The following CACNG8 variants were observed in gnomAD, a reference collection of about 807,000 sequenced individuals.
CACNG8 encodes the protein voltage-dependent calcium channel gamma-8 subunit.
In CACNG8, 5 loss-of-function variants were observed where a neutral mutation model predicts 26.9. The observed-to-expected ratio is 0.19, with a 90% CI of 0.10 to 0.39. CACNG8 has a LOEUF of 0.39. CACNG8 is among the 10% of genes least tolerant of loss of function. CACNG8 has a pLI of 1.00. For missense variants in CACNG8, 473 were observed against 609.4 expected (o/e 0.78, Z 2.36); for synonymous variants, 321 against 296.7 (o/e 1.08, Z -0.84).
At position 53,989,437 on chromosome 19, in the gene CACNG8, CA is replaced by C. The variant is rs2069427225; in HGVS notation, c.*6589del. 6.6e-6 allele frequency: 1 copy of C among 152,490 alleles called. No homozygotes were observed. The highest frequency in any genetic ancestry group is 2.4e-5 in the African/African-American group (1 of 41,314). 9.4% of individuals were successfully genotyped at this position (152,490 alleles called of 1,614,324 possible). A position where few individuals can be genotyped will look rare whatever the true frequency, so the allele number is the denominator to read the frequency against. ...GGGAGACGTAAGCCGGAGAAAGACCCAGAGATTCGCATAGAAAGCAACGTGG... is the reference window on the plus strand; with the variant it reads ...GGGAGACGTAAGCCGGAGAAAGACCCGAGATTCGCATAGAAAGCAACGTGG... On this transcript the variant is annotated 3_prime_UTR_variant, in exon 4 of 4. Coordinates refer to ENST00000270458, the MANE Select transcript of CACNG8 (RefSeq NM_031895.6).
chr19:53,967,842 C>CT (rs946869864), intron 1 of CACNG8, among the ~76,000 whole-genome samples: 15 of 149,938 alleles, frequency 1.0e-4, no homozygotes, highest in South Asian at 4.2e-4. Context: ...GAAAAAAAAA[C>CT]TTTTTTTTTT....
rs868674905 is a variant in CACNG8 at position 53,977,608 on chromosome 19, A to C, written c.284-538A>C. Among the ~76,000 whole-genome samples the C allele has an allele frequency of 1.6e-4, 25 of 152,262 alleles. No homozygotes were observed. The Middle Eastern group carries it at 0.01, about 62-fold the overall frequency. On this transcript the variant is annotated intron_variant, in intron 1 of 3. Transcript: ENST00000270458. ...TCTCTCCCCATCCCCACAGGACTAG[A>C]GACTACAACTCCCATGATCCACTGC...
intron 1 of CACNG8, among the ~76,000 whole-genome samples, chr19:53,976,618 T>G (rs1483599553): frequency 6.6e-6 from 1 of 152,236 alleles, no homozygotes; most frequent in Non-Finnish European, 1.5e-5. Flanking sequence ...TATGCTTATA[T>G]TCATTCATTA....
At chr19:53,975,452 G>T (rs111234235) in intron 1 of CACNG8, among the ~76,000 whole-genome samples, 2,457 of 151,892 alleles carry the variant, frequency 0.016, 71 homozygotes, top group African/African-American at 0.055. Context: ...CGATCTCAGC[G>T]CGCTGCAACC....
At chr19:53,964,321 C>A (rs2069260563) in intron 1 of CACNG8, among the ~76,000 whole-genome samples, 3 of 151,858 alleles carry the variant, frequency 2.0e-5, no homozygotes. Flanking sequence ...AAACTTCGTG[C>A]CTTAACTCGC....
chr19:53,973,529 A>T (rs533183284), intron 1 of CACNG8, among the ~76,000 whole-genome samples: 3 of 151,878 alleles, frequency 2.0e-5, no homozygotes, highest in African/African-American at 4.8e-5. Flanking sequence ...TCTCTTAAAA[A>T]AAATAAATAA....
rs1471157359 is a variant in CACNG8 at position 53,989,516 on chromosome 19, AT to A, written c.*6668del. On this transcript the variant is annotated 3_prime_UTR_variant, in exon 4 of 4. Coordinates refer to ENST00000270458, the MANE Select transcript of CACNG8 (RefSeq NM_031895.6). ...GAATGATCAATAAAAAGAAAAAAAA[AT>A]ATTTCCTGAGGACTTCCAAGTACAA... The A allele has an allele frequency of 6.6e-6, 1 of 152,372 alleles. No individual in the cohort carries two copies. The highest frequency in any genetic ancestry group is 1.5e-5 in the Non-Finnish European group (1 of 68,042). 9.4% of individuals were successfully genotyped at this position (152,372 alleles called of 1,614,324 possible). A position where few individuals can be genotyped will look rare whatever the true frequency, so the allele number is the denominator to read the frequency against.
Position 53,988,769 on chromosome 19 carries a change from G to A in CACNG8, c.*5920G>A, listed in dbSNP as rs189243983. On this transcript the variant is annotated 3_prime_UTR_variant, in exon 4 of 4. Coordinates refer to ENST00000270458, the MANE Select transcript of CACNG8 (RefSeq NM_031895.6). ...GCCAGGAGGGGAAGATGAATTCAGGGGGCAGGGAAGAGAGGATGCTGTCAG... is the reference window on the plus strand; with the variant it reads ...GCCAGGAGGGGAAGATGAATTCAGGAGGCAGGGAAGAGAGGATGCTGTCAG... The A allele has an allele frequency of 6.6e-6, 1 of 152,416 alleles. No homozygotes were observed. Among genetic ancestry groups the A allele is most frequent in the Non-Finnish European group, 1.5e-5 (1 of 68,108 alleles). The allele number at this position is 152,416 out of a possible 1,614,324, so 9.4% of individuals were successfully genotyped here.
intron 1 of CACNG8, among the ~76,000 whole-genome samples, chr19:53,963,848 CTGG>C (rs774261272): frequency 0.055 from 7,847 of 142,884 alleles, 243 homozygotes; most frequent in African/African-American, 0.077. Flanking sequence ...GTCGCCCAGG[CTGG>C]AGTACGGTGG....
chr19:53,965,767 G>A (rs1163355357), intron 1 of CACNG8, among the ~76,000 whole-genome samples: 1 of 151,892 alleles, frequency 6.6e-6, no homozygotes, highest in East Asian at 1.9e-4. Flanking sequence ...GTGCTAAGGA[G>A]GACAAGGAGT....
At chr19:53,967,423 A>G (rs1440716804) in intron 1 of CACNG8, among the ~76,000 whole-genome samples, 1 of 152,222 alleles carries the variant, frequency 6.6e-6, no homozygotes, top group African/African-American at 2.4e-5. Flanking sequence ...AAAGTGCCAT[A>G]TAGTAAAGAT....
At chr19:53,968,830 G>C (rs894263384) in intron 1 of CACNG8, among the ~76,000 whole-genome samples, 1 of 149,110 alleles carries the variant, frequency 6.7e-6, no homozygotes, top group Non-Finnish European at 1.5e-5. Flanking sequence ...GTGGAGAAAG[G>C]AGTGGCCACA....
At chr19:53,981,368 G>C (rs2069367187) in intron 3 of CACNG8, among the ~76,000 whole-genome samples, 2 of 152,112 alleles carry the variant, frequency 1.3e-5, no homozygotes, top group South Asian at 2.1e-4. Context: ...CTCGCTGGGA[G>C]TGGGGCTTAG....
At chr19:53,971,829 C>T (rs765559642) in intron 1 of CACNG8, among the ~76,000 whole-genome samples, 33 of 152,164 alleles carry the variant, frequency 2.2e-4, no homozygotes, top group Admixed American at 1.7e-3. Flanking sequence ...TCCACGTGTC[C>T]GCACTGCAAG....
At position 53,986,647 on chromosome 19, in the gene CACNG8, A is replaced by C. The variant is rs2069409713; in HGVS notation, c.*3798A>C. ...CAGCTACTTGGGAGGCTGAGAAAGA[A>C]GGATCACTTGAACCCAGGAGGCAGA... On this transcript the variant is annotated 3_prime_UTR_variant, in exon 4 of 4. Transcript: ENST00000270458. 6.6e-6 allele frequency: 1 copy of C among 152,232 alleles called. No individual in the cohort carries two copies. Among genetic ancestry groups the C allele is most frequent in the South Asian group, 2.1e-4 (1 of 4,826 alleles). 9.4% of individuals were successfully genotyped at this position (152,232 alleles called of 1,614,324 possible). A position where few individuals can be genotyped will look rare whatever the true frequency, so the allele number is the denominator to read the frequency against.
chr19:53,971,350 G>A (rs2069301705), intron 1 of CACNG8, among the ~76,000 whole-genome samples: 1 of 151,446 alleles, frequency 6.6e-6, no homozygotes, highest in African/African-American at 2.4e-5. Context: ...AAATAAAAAG[G>A]AACAGGTACC....
In CACNG8 at chr19:53,984,165, G is replaced by C. The variant is rs541918286; in HGVS notation, c.*1316G>C. 6.6e-6 allele frequency: 1 copy of C among 152,380 alleles called. No individual in the cohort carries two copies. Among genetic ancestry groups the C allele is most frequent in the African/African-American group, 2.4e-5 (1 of 41,576 alleles). The allele number at this position is 152,380 out of a possible 1,614,324, so 9.4% of individuals were successfully genotyped here. The stretch of plus-strand genomic sequence containing the variant: ...GTGCAGGAGAAAGCCGTGGGGCTTA[G>C]AGACTCATGTGTCTGTCACTCGTTC... On this transcript the variant is annotated 3_prime_UTR_variant, in exon 4 of 4. Coordinates refer to ENST00000270458, the MANE Select transcript of CACNG8 (RefSeq NM_031895.6).
intron 1 of CACNG8, among the ~76,000 whole-genome samples, chr19:53,974,796 C>T (rs1683553841): frequency 6.6e-6 from 1 of 151,548 alleles, no homozygotes; most frequent in Admixed American, 6.6e-5. Flanking sequence ...CACACACCAC[C>T]ATGCCCAGCT....
intron 2 of CACNG8, among the ~76,000 whole-genome samples, chr19:53,979,112 T>C (rs539558650): frequency 4.0e-5 from 4 of 99,624 alleles, no homozygotes; most frequent in Admixed American, 1.4e-4. Flanking sequence ...GAAAAAGTTG[T>C]GGGTGGGGGT....
Sources: allele counts gnomAD v4.1 joint callset (sites outside exome capture counted in the v4.1 genomes callset), GRCh38; gene constraint gnomAD v4.1.1; transcripts MANE v1.5; gene names NCBI Gene and HGNC (gene_info 2026-07-23, HGNC 2026-07-21).